Variants in PODXL observed in about 807,000 individuals in gnomAD.
PODXL encodes podocalyxin like, also known as podocalyxin.
A neutral mutation model predicts 48.9 loss-of-function variants in PODXL; 20 were observed. The ratio of observed to expected loss-of-function variants is 0.41; its 90% CI spans 0.29 to 0.59. The LOEUF is 0.59. PODXL is among the 20% of genes least tolerant of loss of function. The pLI is 0.31. For missense variants in PODXL, 606 were observed against 675.1 expected (o/e 0.90, Z 1.13); for synonymous variants, 295 against 287.4 (o/e 1.03, Z -0.27).
intron 7 of PODXL, 70 bp from the exon 8 acceptor site, chr7:131,506,105 G>A: frequency 6.4e-7 from 1 of 1,565,818 alleles, no homozygotes; most frequent in East Asian, 2.2e-5. Context: ...TCACTGTAGA[G>A]CCCCTCCGCT....
chr7:131,538,159 T>G (rs1011800310), intron 1 of PODXL, among the ~76,000 whole-genome samples: 1 of 152,010 alleles, frequency 6.6e-6, no homozygotes, highest in African/African-American at 2.4e-5. Context: ...TCCTGGCCCC[T>G]CCCCTGTGCT....
In PODXL at chr7:131,504,110, G is replaced by A; in HGVS notation, c.*201C>T. 1 of 593,450 alleles carries A rather than the reference G, an allele frequency of 1.7e-6. No homozygotes were observed. The highest frequency in any genetic ancestry group is 2.8e-5 in the East Asian group (1 of 35,700). 36.8% of individuals were successfully genotyped at this position (593,450 alleles called of 1,614,324 possible). On this transcript the variant is annotated 3_prime_UTR_variant, in exon 9 of 9. Coordinates refer to ENST00000378555, the MANE Select transcript of PODXL (RefSeq NM_001018111.3). ...GCAGCACTGAGCTCAGGCACTAGTG[G>A]GTTATTTTACAAGAGGAATCTGGAC... is the stretch of plus-strand genomic sequence containing the variant.
chr7:131,555,229 C>G (rs1798724760), intron 1 of PODXL, among the ~76,000 whole-genome samples: 3 of 152,134 alleles, frequency 2.0e-5, no homozygotes, highest in Admixed American at 6.5e-5. Context: ...TCCTCCTGGC[C>G]CTAGGGTGAT....
chr7:131,526,645 G>A (rs1798190040), intron 1 of PODXL, among the ~76,000 whole-genome samples: 1 of 150,522 alleles, frequency 6.6e-6, no homozygotes, highest in South Asian at 2.1e-4. Context: ...ATATGAAGTA[G>A]TGTAAATTGG....
chr7:131,511,989 G>A (rs1797921441), intron 1 of PODXL, among the ~76,000 whole-genome samples: 1 of 152,198 alleles, frequency 6.6e-6, no homozygotes, highest in South Asian at 2.1e-4. Context: ...GTGGCCCACA[G>A]AAAATTCCAC....
chr7:131,518,785 C>T (rs1226012408), intron 1 of PODXL, among the ~76,000 whole-genome samples: 1 of 152,176 alleles, frequency 6.6e-6, no homozygotes, highest in South Asian at 2.1e-4. Flanking sequence ...GCCTGGAGGG[C>T]ACACGCAGGT....
At chr7:131,528,217 G>A (rs1798218511) in intron 1 of PODXL, among the ~76,000 whole-genome samples, 1 of 152,152 alleles carries the variant, frequency 6.6e-6, no homozygotes, top group Non-Finnish European at 1.5e-5. Flanking sequence ...CTTTGAAACA[G>A]GAGGGAAGAA....
At chr7:131,532,198 G>C (rs1798291430) in intron 1 of PODXL, among the ~76,000 whole-genome samples, 1 of 150,908 alleles carries the variant, frequency 6.6e-6, no homozygotes, top group Non-Finnish European at 1.5e-5. Flanking sequence ...CACTTTGGGA[G>C]GCCGAGGAGG....
intron 1 of PODXL, among the ~76,000 whole-genome samples, chr7:131,545,731 A>G (rs55807020): frequency 0.049 from 7,532 of 152,322 alleles, 255 homozygotes; most frequent in Middle Eastern, 0.095. Flanking sequence ...TCCTTAGAGG[A>G]TATTTCAAAG....
chr7:131,509,647 A>G lies in PODXL; in HGVS notation c.803-62T>C, dbSNP rs928439001. ...AGTGCACCCTTGCGAGAAGAGGACAATCTTTTCTTGCTCTAATAGTTTTCC... is the reference window on the plus strand; with the variant it reads ...AGTGCACCCTTGCGAGAAGAGGACAGTCTTTTCTTGCTCTAATAGTTTTCC... On this transcript the variant is annotated intron_variant, in intron 3 of 8. Coordinates refer to ENST00000378555, the MANE Select transcript of PODXL (RefSeq NM_001018111.3). The G allele has an allele frequency of 4.4e-6, 5 of 1,132,978 alleles. No individual in the cohort carries two copies. In the African/African-American group the frequency reaches 4.7e-5, roughly 11 times the overall value. The allele number at this position is 1,132,978 out of a possible 1,614,324, so 70.2% of individuals were successfully genotyped here.
At chr7:131,549,702 A>G (rs1158372144) in intron 1 of PODXL, among the ~76,000 whole-genome samples, 1 of 152,200 alleles carries the variant, frequency 6.6e-6, no homozygotes, top group Non-Finnish European at 1.5e-5. Context: ...AGGGCCAGAT[A>G]GCAAGCCTCT....
chr7:131,553,329 T>C (rs1483763351), intron 1 of PODXL, among the ~76,000 whole-genome samples: 2 of 152,176 alleles, frequency 1.3e-5, no homozygotes, highest in African/African-American at 2.4e-5. Context: ...CCAAATCTTA[T>C]ACTCTTTTCC....
intron 1 of PODXL, among the ~76,000 whole-genome samples, chr7:131,518,192 A>G (rs749815860): frequency 1.3e-5 from 2 of 152,174 alleles, no homozygotes; most frequent in Non-Finnish European, 2.9e-5. Flanking sequence ...TAGGACCTGA[A>G]CATGTCTTTT....
At chr7:131,526,404 G>C (rs1209473073) in intron 1 of PODXL, among the ~76,000 whole-genome samples, 1 of 151,434 alleles carries the variant, frequency 6.6e-6, no homozygotes, top group Non-Finnish European at 1.5e-5. Context: ...AATAAATAAA[G>C]CATCCTTACA....
Position 131,510,238 on chromosome 7 carries a change from G to C in PODXL, c.800C>G (p.Thr267Arg). 2.3e-6 allele frequency: 1 copy of C among 442,830 alleles called. No homozygotes were observed. The allele number at this position is 442,830 out of a possible 1,614,324, so 27.4% of individuals were successfully genotyped here. A position where few individuals can be genotyped will look rare whatever the true frequency, so the allele number is the denominator to read the frequency against. The change falls in exon 3 of 9, where the codon ACA becomes AGA. Residue 267 changes from threonine (T) to arginine (R), a missense_variant and splice_region_variant. Coordinates refer to ENST00000378555, the MANE Select transcript of PODXL (RefSeq NM_001018111.3). ...PTLASQSAGI[T>R]ASSVISQRTQ... ...CGGCCGGGCATGGTGGCTCATACCT[G>C]TAATCCCAGCACTTTGGGAGGCCAA...
chr7:131,505,770 C>T, intron 8 of PODXL, 98 bp downstream of exon 8: 1 of 1,232,938 alleles, frequency 8.1e-7, no homozygotes, highest in Admixed American at 2.3e-5. Flanking sequence ...GGTCCAGGGC[C>T]TGCTCCCTTT....
chr7:131,555,141 G>A (rs1798723676), intron 1 of PODXL, among the ~76,000 whole-genome samples: 1 of 152,084 alleles, frequency 6.6e-6, no homozygotes, highest in South Asian at 2.1e-4. Context: ...CATCTCCCCT[G>A]GCCCCTTAGA....
chr7:131,552,714 C>T (rs886226149), intron 1 of PODXL, among the ~76,000 whole-genome samples: 4 of 152,250 alleles, frequency 2.6e-5, no homozygotes, highest in Non-Finnish European at 4.4e-5. Context: ...ATGTCCAGCT[C>T]GCTCCTGCCT....
rs1331058096 is a variant in PODXL, at chr7:131,501,526, C to CA, written c.*2784dup. ...TAAACCCGTATTCTGTCTTACAACG[C>CA]AAAGAATATTCTGTACCTCCTTCAT... On this transcript the variant is annotated 3_prime_UTR_variant, in exon 9 of 9. Transcript: ENST00000378555. 1 of 152,476 alleles carries CA rather than the reference C, an allele frequency of 6.6e-6. No individual in the cohort carries two copies. The highest frequency in any genetic ancestry group is 1.9e-4 in the East Asian group (1 of 5,186). The allele number at this position is 152,476 out of a possible 1,614,324, so 9.4% of individuals were successfully genotyped here.
Sources: allele counts gnomAD v4.1 joint callset (sites outside exome capture counted in the v4.1 genomes callset), GRCh38; gene constraint gnomAD v4.1.1; transcripts MANE v1.5; gene names NCBI Gene and HGNC (gene_info 2026-07-23, HGNC 2026-07-21).